The following UBE2K variants were observed in gnomAD, a reference collection of about 807,000 sequenced individuals.
The protein encoded by UBE2K is ubiquitin conjugating enzyme E2 K, also known as ubiquitin-conjugating enzyme E2 K.
A neutral mutation model predicts 30.0 loss-of-function variants in UBE2K; 6 were observed. That is an observed-to-expected ratio of 0.20 (90% CI 0.11 to 0.39). The LOEUF (loss-of-function observed/expected upper bound fraction) is 0.39. Ranked by LOEUF, UBE2K falls within the 10% of genes least tolerant of loss-of-function variation. The probability of loss-of-function intolerance (pLI) is 1.00; values close to 1 mark genes in which losing one functional copy is unlikely to be tolerated. For missense variants in UBE2K, 61 were observed against 241.6 expected (o/e 0.25, Z 4.96); for synonymous variants, 86 against 83.7 (o/e 1.03, Z -0.15).
intron 1 of UBE2K, among the ~76,000 whole-genome samples, chr4:39,729,258 A>G (rs1243522077): frequency 2.0e-5 from 3 of 152,068 alleles, no homozygotes; most frequent in Non-Finnish European, 2.9e-5. Context: ...GGCGTGAGCC[A>G]TGGCGCCCGG....
In UBE2K at chr4:39,778,540, C is replaced by A; in HGVS notation, c.*106C>A. 1.5e-6 allele frequency: 1 copy of A among 679,748 alleles called. No individual in the cohort carries two copies. The highest frequency in any genetic ancestry group is 2.2e-5 in the South Asian group (1 of 45,926). The allele number at this position is 679,748 out of a possible 1,614,324, so 42.1% of individuals were successfully genotyped here. ...GATTTCTTTTAAACTGGCATTCTTG[C>A]CTAATGATGTTATCTAGGCACCATT... On this transcript the variant is annotated 3_prime_UTR_variant, in exon 7 of 7. Transcript: ENST00000261427.
rs1024513772 is a variant in UBE2K, at chr4:39,778,436, G to A, written c.*2G>A. 2 of 1,604,906 alleles carry A rather than the reference G, an allele frequency of 1.2e-6. No individual in the cohort carries two copies. The highest frequency in any genetic ancestry group is 1.7e-6 in the Non-Finnish European group (2 of 1,172,794). ...ACAGAATTGCTTCTGAGTAACTGAG[G>A]CATAGAGAGCTGCTGATATAGTCAA... On this transcript the variant is annotated 3_prime_UTR_variant, in exon 7 of 7. Transcript: ENST00000261427.
intron 4 of UBE2K, among the ~76,000 whole-genome samples, chr4:39,762,269 C>T (rs966191298): frequency 1.3e-5 from 2 of 150,840 alleles, no homozygotes; most frequent in African/African-American, 4.9e-5. Context: ...GCTATGTTGC[C>T]CAAGCTGGTC....
intron 2 of UBE2K, 56 bp downstream of exon 2, chr4:39,737,569 T>A: frequency 1.8e-6 from 2 of 1,129,326 alleles, no homozygotes; most frequent in Non-Finnish European, 1.3e-6. Flanking sequence ...GTCTGAAACA[T>A]TTAATCAGAA....
At chr4:39,763,294 C>T (rs1023731217) in intron 4 of UBE2K, among the ~76,000 whole-genome samples, 9 of 151,234 alleles carry the variant, frequency 6.0e-5, no homozygotes, top group South Asian at 2.1e-4. Flanking sequence ...TCTTGTTACC[C>T]GGGCTGGAGT....
chr4:39,774,566 CTA>C (rs1381973982), intron 4 of UBE2K, among the ~76,000 whole-genome samples: 2 of 150,640 alleles, frequency 1.3e-5, no homozygotes, highest in East Asian at 3.9e-4. Flanking sequence ...TGAACCGAGA[CTA>C]TACCACTGCA....
intron 4 of UBE2K, among the ~76,000 whole-genome samples, chr4:39,762,694 G>C (rs554746976): frequency 6.6e-6 from 1 of 152,330 alleles, no homozygotes; most frequent in Non-Finnish European, 1.5e-5. Flanking sequence ...GTGTGCAATG[G>C]CACAATCTTG....
At chr4:39,707,490 G>A (rs934071358) in intron 1 of UBE2K, among the ~76,000 whole-genome samples, 5 of 148,804 alleles carry the variant, frequency 3.4e-5, no homozygotes, top group South Asian at 2.1e-4. Flanking sequence ...ATGAGCCGTC[G>A]TGCCTGGCCT....
At chr4:39,734,291 T>C (rs773036090) in intron 1 of UBE2K, among the ~76,000 whole-genome samples, 6 of 151,914 alleles carry the variant, frequency 3.9e-5, no homozygotes, top group South Asian at 2.1e-4. Flanking sequence ...GATTTCACCA[T>C]GTTGGCCTCA....
At chr4:39,721,600 A>G (rs1320920594) in intron 1 of UBE2K, among the ~76,000 whole-genome samples, 2 of 151,986 alleles carry the variant, frequency 1.3e-5, no homozygotes, top group Non-Finnish European at 2.9e-5. Flanking sequence ...CAAGCAATCT[A>G]CCTGCCTCGG....
At chr4:39,702,231 CTTTTTTTTTTTTTTTTTTTTTTT>C (rs564712672) in intron 1 of UBE2K, among the ~76,000 whole-genome samples, 2 of 67,390 alleles carry the variant, frequency 3.0e-5, no homozygotes, top group Non-Finnish European at 5.5e-5. Context: ...CTTTTCTTTT[CTTTTTTTTTTTTTTTTTTTTTTT>C]TTTTTTTTTT....
chr4:39,716,206 A>AAT (rs1719047878), intron 1 of UBE2K, among the ~76,000 whole-genome samples: 1 of 152,142 alleles, frequency 6.6e-6, no homozygotes, highest in Non-Finnish European at 1.5e-5. Context: ...TCCTTTTGTT[A>AAT]ATACCATAGG....
intron 1 of UBE2K, among the ~76,000 whole-genome samples, chr4:39,698,694 C>G (rs1717837688): frequency 6.6e-6 from 1 of 151,996 alleles, no homozygotes; most frequent in Non-Finnish European, 1.5e-5. Flanking sequence ...GTGGCCGCAG[C>G]TGGAAATGTG....
chr4:39,698,796 A>T (rs1376980826), intron 1 of UBE2K, among the ~76,000 whole-genome samples: 2 of 152,218 alleles, frequency 1.3e-5, no homozygotes, highest in East Asian at 3.9e-4. Flanking sequence ...TCCCAAGAGC[A>T]GTGCTGCTCG....
intron 4 of UBE2K, among the ~76,000 whole-genome samples, chr4:39,767,047 G>A (rs976594129): frequency 2.6e-5 from 4 of 152,062 alleles, no homozygotes; most frequent in South Asian, 2.1e-4. Context: ...CACTGCATGC[G>A]GCCAGGAGTT....
At position 39,698,163 on chromosome 4, in the gene UBE2K, G is replaced by A; in HGVS notation, c.-165G>A. On this transcript the variant is annotated 5_prime_UTR_variant, in exon 1 of 7. Coordinates refer to ENST00000261427, the MANE Select transcript of UBE2K (RefSeq NM_005339.5). ...CATTTTGGTGGCCGGGCGCGGAGGT[G>A]ATTCCACACTGAGGCGAGCGCGGCG... The A allele has an allele frequency of 1.4e-6, 1 of 711,878 alleles. No individual in the cohort carries two copies. 44.1% of individuals were successfully genotyped at this position (711,878 alleles called of 1,614,324 possible).
chr4:39,707,538 T>G (rs1051516488), intron 1 of UBE2K, among the ~76,000 whole-genome samples: 2 of 137,982 alleles, frequency 1.4e-5, no homozygotes, highest in African/African-American at 5.5e-5. Context: ...GCTAGGTGCC[T>G]TTTTTTTTTT....
At chr4:39,764,672 CCT>C (rs1406960264) in intron 4 of UBE2K, among the ~76,000 whole-genome samples, 1 of 151,998 alleles carries the variant, frequency 6.6e-6, no homozygotes, top group Non-Finnish European at 1.5e-5. Flanking sequence ...AAGCAATACC[CCT>C]GTTTTGACTT....
intron 1 of UBE2K, among the ~76,000 whole-genome samples, chr4:39,705,023 A>C (rs1318088396): frequency 6.6e-6 from 1 of 151,050 alleles, no homozygotes; most frequent in Non-Finnish European, 1.5e-5. Flanking sequence ...GGCATGTGCC[A>C]GCATGCATGG....
Sources: allele counts gnomAD v4.1 joint callset (sites outside exome capture counted in the v4.1 genomes callset), GRCh38; gene constraint gnomAD v4.1.1; transcripts MANE v1.5; gene names NCBI Gene and HGNC (gene_info 2026-07-23, HGNC 2026-07-21).